ATP2B4: variants seen among roughly 807,000 people sequenced by gnomAD.
ATP2B4 encodes plasma membrane calcium-transporting ATPase 4.
Under a neutral mutation model 110.3 loss-of-function variants are expected in ATP2B4, and 39 were observed. The observed-to-expected ratio is 0.35, with a 90% CI of 0.27 to 0.46. ATP2B4 has a LOEUF of 0.46. Ranked by LOEUF, ATP2B4 falls within the 20% of genes least tolerant of loss-of-function variation. The pLI is 1.00. For missense variants in ATP2B4, 1,135 were observed against 1,530.9 expected (o/e 0.74, Z 4.32); for synonymous variants, 538 against 571.7 (o/e 0.94, Z 0.84).
intron 1 of ATP2B4, among the ~76,000 whole-genome samples, chr1:203,654,707 A>AGGG (rs995842575): frequency 6.6e-6 from 1 of 151,918 alleles, no homozygotes; most frequent in African/African-American, 2.4e-5. Context: ...CTGGCAACAC[A>AGGG]GGGGGACCCT....
At chr1:203,696,894 G>A (rs574276754) in intron 2 of ATP2B4, among the ~76,000 whole-genome samples, 1 of 152,256 alleles carries the variant, frequency 6.6e-6, no homozygotes, top group South Asian at 2.1e-4. Context: ...TTTGTGGTGT[G>A]TATGTGTCTG....
intron 17 of ATP2B4, among the ~76,000 whole-genome samples, chr1:203,721,693 C>T (rs1356959520): frequency 6.6e-5 from 9 of 136,330 alleles, no homozygotes; most frequent in South Asian, 2.3e-4. Context: ...GACAGAGTCT[C>T]GCTCTGTCAC....
chr1:203,627,945 AGT>A (rs1371570797), intron 1 of ATP2B4, among the ~76,000 whole-genome samples: 1 of 152,130 alleles, frequency 6.6e-6, no homozygotes, highest in Non-Finnish European at 1.5e-5. Context: ...CTGTTGTTTG[AGT>A]GTGTGTGAGC....
chr1:203,660,877 G>A (rs530699299), intron 1 of ATP2B4, among the ~76,000 whole-genome samples: 4 of 152,098 alleles, frequency 2.6e-5, no homozygotes, highest in South Asian at 2.1e-4. Flanking sequence ...TTGGGAGGCC[G>A]AGGCAGGCGG....
intron 2 of ATP2B4, among the ~76,000 whole-genome samples, chr1:203,691,455 G>A (rs1400857038): frequency 6.6e-6 from 1 of 152,172 alleles, no homozygotes; most frequent in Non-Finnish European, 1.5e-5. Flanking sequence ...AGAGCAGAAA[G>A]CTAACTAGAG....
intron 1 of ATP2B4, among the ~76,000 whole-genome samples, chr1:203,649,167 A>G (rs772515297): frequency 1.3e-5 from 2 of 152,144 alleles, no homozygotes; most frequent in Non-Finnish European, 1.5e-5. Flanking sequence ...TCCAGCTCCT[A>G]TAAAATTTGA....
At chr1:203,696,527 G>A (rs546891765) in intron 2 of ATP2B4, among the ~76,000 whole-genome samples, 5 of 152,168 alleles carry the variant, frequency 3.3e-5, no homozygotes, top group South Asian at 2.1e-4. Flanking sequence ...CCTTCAAACC[G>A]GCAACCAACA....
intron 1 of ATP2B4, among the ~76,000 whole-genome samples, chr1:203,650,610 C>CG (rs1663954680): frequency 6.6e-6 from 1 of 152,138 alleles, no homozygotes; most frequent in South Asian, 2.1e-4. Context: ...GCGCAGAGGC[C>CG]GGGGGAGCTG....
intron 1 of ATP2B4, among the ~76,000 whole-genome samples, chr1:203,672,849 C>T (rs559236069): frequency 1.3e-5 from 2 of 152,246 alleles, no homozygotes; most frequent in South Asian, 2.1e-4. Flanking sequence ...CTGAACCTCA[C>T]GAGGTGGCTT....
intron 20 of ATP2B4, among the ~76,000 whole-genome samples, chr1:203,734,057 A>G (rs1406750868): frequency 6.6e-6 from 1 of 152,180 alleles, no homozygotes; most frequent in Non-Finnish European, 1.5e-5. Flanking sequence ...TGTAATCCCA[A>G]CACTTTGGGA....
At chr1:203,666,385 G>A (rs1017398914) in intron 1 of ATP2B4, among the ~76,000 whole-genome samples, 26 of 152,182 alleles carry the variant, frequency 1.7e-4, no homozygotes, top group African/African-American at 6.3e-4. Flanking sequence ...ACCTGCAGGA[G>A]GTGGACAGCA....
At position 203,700,748 on chromosome 1, in the gene ATP2B4, T is replaced by C. The variant is rs777910943; in HGVS notation, c.776-50T>C. On this transcript the variant is annotated intron_variant, in intron 5 of 20. Transcript: ENST00000357681. ...AGTTTGTGTTTCATACCAAATCATG[T>C]CTAGGTATTAAAAAACCCATTCCTT... 7 of 1,606,346 alleles carry C rather than the reference T, an allele frequency of 4.4e-6. No individual in the cohort carries two copies. The Admixed American group carries it at 6.7e-5, about 15-fold the overall frequency.
intron 20 of ATP2B4, chr1:203,727,885 C>T: frequency 2.6e-6 from 1 of 382,138 alleles, no homozygotes; most frequent in South Asian, 2.5e-5. Context: ...CTCTTGCAAG[C>T]ACTAGACCTG....
chr1:203,711,765 A>C (rs1666014468), intron 12 of ATP2B4, among the ~76,000 whole-genome samples, 195 bp from the exon 13 acceptor site: 1 of 152,188 alleles, frequency 6.6e-6, no homozygotes, highest in Non-Finnish European at 1.5e-5. Flanking sequence ...GGCAAATTCA[A>C]ATGTGACTGC....
In ATP2B4 at chr1:203,700,877, T is replaced by C; in HGVS notation, c.855T>C (p.Thr285=). 3 of 1,613,624 alleles carry C rather than the reference T, an allele frequency of 1.9e-6. No homozygotes were observed. Among genetic ancestry groups the C allele is most frequent in the Non-Finnish European group, 2.5e-6 (3 of 1,179,768 alleles). ...GVNSQTGIIL[T]LLGVNEDDEG... Reference sequence around the variant, plus strand: ...ACTCTCAGACTGGAATCATCCTTACTCTCTTGGGGGTCAATGAGGATGACG... The same window carrying C: ...ACTCTCAGACTGGAATCATCCTTACCCTCTTGGGGGTCAATGAGGATGACG... The change falls in exon 6 of 21, where the codon ACT becomes ACC. Residue 285 remains threonine, a synonymous_variant. Transcript: ENST00000357681.
At chr1:203,686,129 G>T (rs1478344524) in intron 2 of ATP2B4, among the ~76,000 whole-genome samples, 8 of 152,130 alleles carry the variant, frequency 5.3e-5, no homozygotes, top group African/African-American at 1.9e-4. Context: ...TTGCCAGCTA[G>T]ATTTCTTTAT....
chr1:203,677,025 A>G (rs1664848335), intron 1 of ATP2B4, among the ~76,000 whole-genome samples: 1 of 151,942 alleles, frequency 6.6e-6, no homozygotes, highest in South Asian at 2.1e-4. Context: ...GTTTGTTTAC[A>G]TTTTTTTTAT....
At chr1:203,694,214 G>A (rs1296676937) in intron 2 of ATP2B4, among the ~76,000 whole-genome samples, 1 of 152,206 alleles carries the variant, frequency 6.6e-6, no homozygotes, top group African/African-American at 2.4e-5. Flanking sequence ...ACAAATTTGT[G>A]TGTGTACAAT....
intron 1 of ATP2B4, among the ~76,000 whole-genome samples, chr1:203,652,359 T>C (rs1664024512): frequency 6.6e-6 from 1 of 152,082 alleles, no homozygotes; most frequent in South Asian, 2.1e-4. Flanking sequence ...TTGGCCAGGC[T>C]AGTCTTGAAC....
Sources: gnomAD v4.1 joint callset for allele counts (sites outside exome capture counted in the v4.1 genomes callset) on GRCh38, gnomAD v4.1.1 for gene constraint, MANE v1.5 for transcripts, NCBI Gene and HGNC (gene_info 2026-07-23, HGNC 2026-07-21) for gene names.